Variants in CNTN5 observed in about 807,000 individuals in gnomAD.
The protein encoded by CNTN5 is contactin 5, also known as contactin-5.
Under a neutral mutation model 129.1 loss-of-function variants are expected in CNTN5, and 77 were observed. The observed-to-expected ratio is 0.60, with a 90% CI of 0.50 to 0.72. The LOEUF (loss-of-function observed/expected upper bound fraction) is 0.72, where lower values mean the gene tolerates loss of function less well. CNTN5 is among the 30% of genes least tolerant of loss of function. CNTN5 has a pLI of 0.00. For missense variants in CNTN5, 1,478 were observed against 1,328.8 expected (o/e 1.11, Z -1.75); for synonymous variants, 509 against 465.6 (o/e 1.09, Z -1.20).
intron 1 of CNTN5, among the ~76,000 whole-genome samples, chr11:99,183,193 G>C (rs1175022700): frequency 6.6e-6 from 1 of 152,124 alleles, no homozygotes; most frequent in Non-Finnish European, 1.5e-5. Context: ...TAGGCTTCTA[G>C]AAGCAACACC....
In CNTN5 at chr11:99,320,956, G is replaced by C. The variant is rs569002133; in HGVS notation, c.-209-4390G>C. Among the ~76,000 whole-genome samples the C allele has an allele frequency of 1.5e-3, 231 of 152,310 alleles. 1 individual carries two copies. The highest frequency in any genetic ancestry group is 2.6e-3 in the Non-Finnish European group (177 of 68,034). ...ATCAGTTCAAGTCCTGAATAGAACA[G>C]AAGGGTGACCCACCTGTGAGTAAGA... On this transcript the variant is annotated intron_variant, in intron 1 of 24. Coordinates refer to ENST00000524871, the MANE Select transcript of CNTN5 (RefSeq NM_014361.4).
chr11:99,962,941 CT>C (rs1415304373), intron 8 of CNTN5, among the ~76,000 whole-genome samples: 1 of 150,648 alleles, frequency 6.6e-6, no homozygotes, highest in East Asian at 1.9e-4. Flanking sequence ...TGTTTTTTGG[CT>C]GTATAAATGT....
chr11:100,181,708 T>C lies in CNTN5; in HGVS notation c.1581-9418T>C, dbSNP rs138632184. ...GCATAGAAGGAATCTGTTTTATTTCTTAAAACTGCATGTGACCTTACAATT... is the reference window on the plus strand; with the variant it reads ...GCATAGAAGGAATCTGTTTTATTTCCTAAAACTGCATGTGACCTTACAATT... On this transcript the variant is annotated intron_variant, in intron 13 of 24. Coordinates refer to ENST00000524871, the MANE Select transcript of CNTN5 (RefSeq NM_014361.4). Among the ~76,000 whole-genome samples, 1,420 of 152,156 alleles carry C rather than the reference T, an allele frequency of 9.3e-3. 23 individuals carry two copies. Among genetic ancestry groups the C allele is most frequent in the Non-Finnish European group, 0.013 (862 of 67,950 alleles).
rs567595646 is a variant in CNTN5, at chr11:99,361,171, C to T, written c.-71+35687C>T. Among the ~76,000 whole-genome samples, 22 of 152,240 alleles carry T rather than the reference C, an allele frequency of 1.4e-4. 1 individual carries two copies. Among genetic ancestry groups the T allele is most frequent in the Admixed American group, 9.2e-4 (14 of 15,290 alleles). On this transcript the variant is annotated intron_variant, in intron 2 of 24. Coordinates refer to ENST00000524871, the MANE Select transcript of CNTN5 (RefSeq NM_014361.4). ...CATATTTCTATCAACGTCCTATTCA[C>T]GACCTCTTAGAAAAGCTTTAAGAAG...
At chr11:99,164,055 C>T (rs1234561197) in intron 1 of CNTN5, among the ~76,000 whole-genome samples, 2 of 152,126 alleles carry the variant, frequency 1.3e-5, no homozygotes, top group African/African-American at 4.8e-5. Flanking sequence ...GGGCAGGGCG[C>T]AGTGGCTCAT....
chr11:99,852,934 A>G (rs979455188), intron 6 of CNTN5, among the ~76,000 whole-genome samples: 1 of 152,208 alleles, frequency 6.6e-6, no homozygotes, highest in African/African-American at 2.4e-5. Context: ...GACATTTTAA[A>G]TTTCACTTAA....
chr11:99,985,975 T>C (rs1938647812), intron 8 of CNTN5, among the ~76,000 whole-genome samples: 1 of 152,204 alleles, frequency 6.6e-6, no homozygotes, highest in African/African-American at 2.4e-5. Flanking sequence ...TTATCAATTA[T>C]TCTACCTTCA....
chr11:99,595,871 G>T (rs1950110725), intron 3 of CNTN5, among the ~76,000 whole-genome samples: 1 of 151,894 alleles, frequency 6.6e-6, no homozygotes, highest in African/African-American at 2.4e-5. Flanking sequence ...TCCCTCATAA[G>T]GGTTTAAGGC....
intron 2 of CNTN5, among the ~76,000 whole-genome samples, chr11:99,342,697 C>T (rs1038311466): frequency 6.7e-6 from 1 of 149,206 alleles, no homozygotes; most frequent in African/African-American, 2.5e-5. Context: ...TACCACTGCA[C>T]TCCAGCTTGG....
chr11:99,151,180 AT>A (rs1383776616), intron 1 of CNTN5, among the ~76,000 whole-genome samples: 1 of 152,148 alleles, frequency 6.6e-6, no homozygotes, highest in Non-Finnish European at 1.5e-5. Flanking sequence ...TTATGAAAGG[AT>A]TAAAGCGCCT....
chr11:99,566,799 G>C (rs541814141), intron 3 of CNTN5, among the ~76,000 whole-genome samples: 1 of 152,144 alleles, frequency 6.6e-6, no homozygotes, highest in African/African-American at 2.4e-5. Context: ...TTTATTCTTA[G>C]AATAGGCTGG....
intron 6 of CNTN5, among the ~76,000 whole-genome samples, chr11:99,912,583 C>T (rs1333206637): frequency 6.6e-6 from 1 of 151,560 alleles, no homozygotes; most frequent in Admixed American, 6.6e-5. Context: ...AATCTCATAT[C>T]CCAAGTCTAC....
chr11:99,442,016 C>G (rs1943851693), intron 2 of CNTN5, among the ~76,000 whole-genome samples: 1 of 152,082 alleles, frequency 6.6e-6, no homozygotes, highest in Admixed American at 6.5e-5. Flanking sequence ...GAGTTGTAAT[C>G]TCCTCCAGGA....
At chr11:99,314,604 C>T (rs932018032) in intron 1 of CNTN5, among the ~76,000 whole-genome samples, 2 of 151,930 alleles carry the variant, frequency 1.3e-5, no homozygotes, top group Non-Finnish European at 2.9e-5. Flanking sequence ...AGGAAAAATG[C>T]AAGCAGTTGA....
intron 1 of CNTN5, among the ~76,000 whole-genome samples, chr11:99,269,412 A>T (rs188067584): frequency 1.3e-5 from 2 of 151,960 alleles, no homozygotes; most frequent in African/African-American, 4.8e-5. Flanking sequence ...TTTAAAAAAT[A>T]ATGTACTCAA....
intron 1 of CNTN5, among the ~76,000 whole-genome samples, chr11:99,253,206 T>C (rs1454790593): frequency 1.3e-5 from 2 of 152,068 alleles, no homozygotes; most frequent in Admixed American, 6.6e-5. Context: ...GTTTTATAAA[T>C]TGGAGTTCCC....
At chr11:100,181,228 G>A (rs900840494) in intron 13 of CNTN5, among the ~76,000 whole-genome samples, 1 of 151,910 alleles carries the variant, frequency 6.6e-6, no homozygotes, top group Non-Finnish European at 1.5e-5. Context: ...AGCAATAAAA[G>A]GAAATAAACT....
At chr11:100,285,334 G>C (rs1002031986) in intron 18 of CNTN5, among the ~76,000 whole-genome samples, 4 of 152,128 alleles carry the variant, frequency 2.6e-5, no homozygotes, top group African/African-American at 9.7e-5. Context: ...ACTGTGAGAA[G>C]TCTCCACTGC....
chr11:99,028,326 C>T (rs1399504989), intron 1 of CNTN5, among the ~76,000 whole-genome samples: 1 of 151,680 alleles, frequency 6.6e-6, no homozygotes, highest in East Asian at 1.9e-4. Context: ...TGGACAGTGG[C>T]AGTACAAAGG....
Sources: allele counts gnomAD v4.1 joint callset (sites outside exome capture counted in the v4.1 genomes callset), GRCh38; gene constraint gnomAD v4.1.1; transcripts MANE v1.5; gene names NCBI Gene and HGNC (gene_info 2026-07-23, HGNC 2026-07-21).